KCNK2: variants seen among roughly 807,000 people sequenced by gnomAD.
KCNK2 encodes potassium channel subfamily K member 2.
KCNK2 carries 21 observed loss-of-function variants against 40.5 expected under a neutral mutation model. The observed-to-expected ratio is 0.52, with a 90% CI of 0.37 to 0.75. The LOEUF (loss-of-function observed/expected upper bound fraction) is 0.75. Ranked by LOEUF, KCNK2 falls within the 30% of genes least tolerant of loss-of-function variation. KCNK2 has a pLI of 0.00. For missense variants in KCNK2, 399 were observed against 531.6 expected (o/e 0.75, Z 2.45); for synonymous variants, 191 against 202.2 (o/e 0.94, Z 0.47).
At chr1:215,221,727 C>G (rs1198122154) in intron 6 of KCNK2, among the ~76,000 whole-genome samples, 10 of 152,072 alleles carry the variant, frequency 6.6e-5, no homozygotes, top group Non-Finnish European at 1.3e-4. Flanking sequence ...CCACACAGTT[C>G]AAATGCATAT....
intron 3 of KCNK2, among the ~76,000 whole-genome samples, chr1:215,160,024 A>G (rs1014236575): frequency 2.0e-5 from 3 of 152,226 alleles, no homozygotes; most frequent in Non-Finnish European, 2.9e-5. Context: ...ACAAAAGATG[A>G]AAGAAGGTTT....
intron 2 of KCNK2, among the ~76,000 whole-genome samples, chr1:215,114,384 T>G (rs1400953706): frequency 6.6e-6 from 1 of 152,154 alleles, no homozygotes; most frequent in Non-Finnish European, 1.5e-5. Context: ...AGGGAAAGGT[T>G]TAATTGCACT....
At chr1:215,093,764 AATAT>A (rs1196808185) in intron 2 of KCNK2, among the ~76,000 whole-genome samples, 6 of 36,880 alleles carry the variant, frequency 1.6e-4, no homozygotes, top group African/African-American at 3.3e-4. Context: ...TATATTATAT[AATAT>A]AAAATATATT....
At chr1:215,212,249 G>T (rs1314287636) in intron 6 of KCNK2, among the ~76,000 whole-genome samples, 1 of 151,906 alleles carries the variant, frequency 6.6e-6, no homozygotes, top group Non-Finnish European at 1.5e-5. Flanking sequence ...TTAAATAATT[G>T]GTCCTTAGGA....
At chr1:215,210,020 TATATATTATATATAA>T (rs1665660660) in intron 6 of KCNK2, among the ~76,000 whole-genome samples, 1 of 9,144 alleles carries the variant, frequency 1.1e-4, no homozygotes, top group African/African-American at 5.7e-4. Flanking sequence ...TAATATATAA[TATATATTATATATAA>T]TATATATAAT....
intron 2 of KCNK2, among the ~76,000 whole-genome samples, chr1:215,102,154 A>G (rs1660250852): frequency 6.6e-6 from 1 of 151,928 alleles, no homozygotes; most frequent in Non-Finnish European, 1.5e-5. Context: ...GTCTTTCAGG[A>G]GGTATTACAG....
chr1:215,067,578 A>G (rs1166262989), intron 1 of KCNK2, among the ~76,000 whole-genome samples: 1 of 152,180 alleles, frequency 6.6e-6, no homozygotes, highest in African/African-American at 2.4e-5. Flanking sequence ...AGTCATGGCA[A>G]AAAAATCATC....
At chr1:215,134,471 A>G (rs1661812286) in intron 3 of KCNK2, among the ~76,000 whole-genome samples, 1 of 152,180 alleles carries the variant, frequency 6.6e-6, no homozygotes. Context: ...AGGGGTGAGG[A>G]GGTTCCACAA....
chr1:215,106,367 T>C (rs1558093653), intron 2 of KCNK2, among the ~76,000 whole-genome samples: 2 of 152,162 alleles, frequency 1.3e-5, no homozygotes, highest in Non-Finnish European at 2.9e-5. Context: ...TTTGTATGTT[T>C]GTTGGTCCCT....
At chr1:215,035,353 C>T (rs1271419789) in intron 1 of KCNK2, among the ~76,000 whole-genome samples, 1 of 152,004 alleles carries the variant, frequency 6.6e-6, no homozygotes, top group African/African-American at 2.4e-5. Flanking sequence ...ATGAATCTAC[C>T]ATCCCAGTGC....
chr1:215,152,927 T>G lies in KCNK2; in HGVS notation c.476-16272T>G, dbSNP rs770860998. ...TTTATTGTTGCTTTTATCATTACTATTGTCAATAAATGTAACAATAAACTA... is the reference window on the plus strand; with the variant it reads ...TTTATTGTTGCTTTTATCATTACTAGTGTCAATAAATGTAACAATAAACTA... On this transcript the variant is annotated intron_variant, in intron 3 of 6. Transcript: ENST00000444842. Among the ~76,000 whole-genome samples the G allele has an allele frequency of 7.2e-5, 11 of 152,240 alleles. 1 individual carries two copies.
At chr1:215,190,202 T>A (rs1171820517) in intron 5 of KCNK2, among the ~76,000 whole-genome samples, 3 of 152,144 alleles carry the variant, frequency 2.0e-5, no homozygotes, top group African/African-American at 7.2e-5. Context: ...CCAAGTTCTT[T>A]AGCATCGAAG....
Position 215,209,476 on chromosome 1 carries a change from T to TTATATATTATATAATATATATTA in KCNK2, c.963+14391_963+14392insTATATAATATATATTATATATAT, listed in dbSNP as rs1665516945. ...TATTATATATTATATATAATATATATTATATATAATACATATATATAATAT... is the reference window on the plus strand; with the variant it reads ...TATTATATATTATATATAATATATATTATATATTATATAATATATATTATATATATAATACATATATATAATAT... On this transcript the variant is annotated intron_variant, in intron 6 of 6. Transcript: ENST00000444842. Among the ~76,000 whole-genome samples the TTATATATTATATAATATATATTA allele has an allele frequency of 2.5e-3, 108 of 43,212 alleles. 1 individual carries two copies. The highest frequency in any genetic ancestry group is 0.016 in the East Asian group (12 of 730). The allele number at this position is 43,212 out of a possible 152,430, so 28.3% of individuals were successfully genotyped here.
intron 5 of KCNK2, among the ~76,000 whole-genome samples, chr1:215,189,089 G>A (rs777182541): frequency 6.6e-6 from 1 of 152,060 alleles, no homozygotes; most frequent in Non-Finnish European, 1.5e-5. Context: ...AGAGGGTTTA[G>A]TCACTCCCTG....
rs191017507 is a variant in KCNK2 at position 215,016,915 on chromosome 1, C to A, written c.34+10960C>A. Among the ~76,000 whole-genome samples, 25 of 152,150 alleles carry A rather than the reference C, an allele frequency of 1.6e-4. No individual in the cohort carries two copies. The South Asian group carries it at 2.3e-3, about 14-fold the overall frequency. On this transcript the variant is annotated intron_variant, in intron 1 of 6. Coordinates refer to the KCNK2 transcript ENST00000391895. ...AACTCAAGAGCAAGAAAACAAATAACCCAATTAACAAATGGGCAAAGGACC... is the reference window on the plus strand; with the variant it reads ...AACTCAAGAGCAAGAAAACAAATAAACCAATTAACAAATGGGCAAAGGACC...
At chr1:215,093,517 GAT>G (rs1183556869) in intron 2 of KCNK2, among the ~76,000 whole-genome samples, 3 of 97,666 alleles carry the variant, frequency 3.1e-5, no homozygotes, top group East Asian at 5.3e-4. Flanking sequence ...TAAAATATAG[GAT>G]ATATATAATA....
chr1:215,092,636 A>C (rs1409718741), intron 2 of KCNK2, among the ~76,000 whole-genome samples: 1 of 152,124 alleles, frequency 6.6e-6, no homozygotes, highest in African/African-American at 2.4e-5. Context: ...TGATGTGTGC[A>C]TGGAACATTT....
chr1:215,235,170 A>G lies in KCNK2; in HGVS notation c.*25A>G. 1 of 1,560,912 alleles carries G rather than the reference A, an allele frequency of 6.4e-7. No homozygotes were observed. Among genetic ancestry groups the G allele is most frequent in the Non-Finnish European group, 8.8e-7 (1 of 1,141,340 alleles). On this transcript the variant is annotated 3_prime_UTR_variant, in exon 7 of 7. Coordinates refer to ENST00000444842, the MANE Select transcript of KCNK2 (RefSeq NM_001017425.3). ...GCCCTCTCTTTAAATAACCTTAGGC[A>G]TAGCCATAGGTGAGGACTTCTCTAT...
chr1:215,205,531 CT>C (rs1262920281), intron 6 of KCNK2, among the ~76,000 whole-genome samples: 2 of 152,180 alleles, frequency 1.3e-5, no homozygotes, highest in African/African-American at 2.4e-5. Context: ...GCGTGAGCCA[CT>C]GTGTCCGGCT....
Sources: allele counts gnomAD v4.1 joint callset (sites outside exome capture counted in the v4.1 genomes callset), GRCh38; gene constraint gnomAD v4.1.1; transcripts MANE v1.5; gene names NCBI Gene and HGNC (gene_info 2026-07-23, HGNC 2026-07-21).